NOTCH2: variants seen among roughly 807,000 people sequenced by gnomAD.
NOTCH2 encodes notch receptor 2, also known as neurogenic locus notch homolog protein 2.
In NOTCH2, 29 loss-of-function variants were observed where a neutral mutation model predicts 235.8. The ratio of observed to expected loss-of-function variants is 0.12; its 90% confidence interval spans 0.09 to 0.17. NOTCH2 has a LOEUF of 0.17. NOTCH2 is among the 10% of genes least tolerant of loss of function. The pLI is 1.00. For synonymous variants in NOTCH2, 1,086 were observed against 1,141.5 expected, an observed-to-expected ratio of 0.95 and a Z score of 0.98; for missense variants, 2,285 against 3,150.2, an observed-to-expected ratio of 0.73 and a Z score of 6.57.
intron 21 of NOTCH2, among the ~76,000 whole-genome samples, chr1:119,936,300 G>T (rs781928903): frequency 6.6e-6 from 1 of 152,190 alleles, no homozygotes; most frequent in Admixed American, 6.5e-5. Context: ...CAGAGAAGGA[G>T]TCTAGGTGAT....
chr1:119,997,973 C>CAAA (rs4020948), intron 3 of NOTCH2, among the ~76,000 whole-genome samples: 57 of 117,458 alleles, frequency 4.9e-4, no homozygotes, highest in African/African-American at 1.3e-3. Flanking sequence ...GACTCTATTT[C>CAAA]AAAAAAAAAA....
At chr1:119,985,754 A>G (rs1163224084) in intron 5 of NOTCH2, among the ~76,000 whole-genome samples, 1 of 152,192 alleles carries the variant, frequency 6.6e-6, no homozygotes, top group Non-Finnish European at 1.5e-5. Context: ...AAGTTGAAAA[A>G]ATAGCCTCTG....
intron 24 of NOTCH2, 147 bp from the exon 25 acceptor site, chr1:119,925,957 T>C (rs1337336821): frequency 4.2e-6 from 4 of 952,924 alleles, no homozygotes; most frequent in East Asian, 5.2e-5. Context: ...GGTTTCCTTT[T>C]GGTATCTCCC....
At position 119,925,665 on chromosome 1, in the gene NOTCH2, T is replaced by C. The variant is rs1189432071; in HGVS notation, c.4151A>G (p.Gln1384Arg). The C allele has an allele frequency of 6.2e-7, 1 of 1,612,518 alleles. No individual in the cohort carries two copies. The change falls in exon 25 of 34, where the codon CAG becomes CGG. Residue 1384 changes from glutamine (Q) to arginine (R), a missense_variant. Around this residue, in one of 6 missense-constraint regions of NOTCH2, gnomAD observed 1,173 missense variants for 1,515.3 expected, o/e 0.77. Coordinates refer to ENST00000256646, the MANE Select transcript of NOTCH2 (RefSeq NM_024408.4). ...CTGAGGGTGGCAGCTGCCCCCGTGC[T>C]GGCAGGGGCTACTGGCACAGCCTGA... ...CESGCASSPC[Q>R]HGGSCHPQRQ...
intron 21 of NOTCH2, among the ~76,000 whole-genome samples, chr1:119,936,222 G>A (rs1366393016): frequency 1.3e-5 from 2 of 152,174 alleles, no homozygotes; most frequent in African/African-American, 4.8e-5. Flanking sequence ...GTCCCAAATA[G>A]CATGAGACCT....
intron 1 of NOTCH2, among the ~76,000 whole-genome samples, chr1:120,031,244 C>CAT (rs1654079123): frequency 4.1e-5 from 5 of 121,960 alleles, no homozygotes; most frequent in African/African-American, 1.6e-4. Context: ...TGCATAAAAG[C>CAT]CCAGTATTGT....
intron 1 of NOTCH2, among the ~76,000 whole-genome samples, chr1:120,042,619 G>A (rs1553213034): frequency 7.3e-6 from 1 of 137,476 alleles, no homozygotes. Context: ...GTGGTTATTA[G>A]TGTAGTGTTG....
chr1:119,935,611 T>C lies in NOTCH2; in HGVS notation c.3523-7A>G. On this transcript the variant is annotated splice_region_variant and splice_polypyrimidine_tract_variant and intron_variant, in intron 21 of 33. Transcript: ENST00000256646. ...CCTGATAGCCTGGGACACACTGCCA[T>C]GAGGAAACAAAAAGGACAAGAAATA... 1 of 1,614,000 alleles carries C rather than the reference T, an allele frequency of 6.2e-7. No homozygotes were observed.
chr1:120,050,211 CTG>C (rs1376214219), intron 1 of NOTCH2, among the ~76,000 whole-genome samples: 4 of 92,330 alleles, frequency 4.3e-5, no homozygotes, highest in African/African-American at 1.1e-4. Context: ...AAAAAACACA[CTG>C]TTTTTTATCA....
At chr1:119,943,007 G>C (rs1388376950) in intron 17 of NOTCH2, among the ~76,000 whole-genome samples, 1 of 151,892 alleles carries the variant, frequency 6.6e-6, no homozygotes, top group Non-Finnish European at 1.5e-5. Flanking sequence ...CGAGTAGCTG[G>C]AATTACAGGT....
At chr1:120,062,810 G>A (rs1553216468) in intron 1 of NOTCH2, among the ~76,000 whole-genome samples, 1 of 150,664 alleles carries the variant, frequency 6.6e-6, no homozygotes, top group East Asian at 1.9e-4. Flanking sequence ...AAGGGCTAGT[G>A]ATCCTACCAG....
rs1416990649 is a variant in NOTCH2 at position 119,935,165 on chromosome 1, CA to C, written c.3655+306del. 38 of 1,235,298 alleles carry C rather than the reference CA, an allele frequency of 3.1e-5. No individual in the cohort carries two copies. The East Asian group carries it at 1.2e-3, about 38-fold the overall frequency. 76.5% of individuals were successfully genotyped at this position (1,235,298 alleles called of 1,614,324 possible). The stretch of plus-strand genomic sequence containing the variant: ...CATTAGTTGCTTTTCTGTGAAGCAA[CA>C]AGAAATCTTACTGACCAGGCTAATT... On this transcript the variant is annotated intron_variant, in intron 22 of 33. Transcript: ENST00000256646.
chr1:119,994,557 CACA>C, intron 4 of NOTCH2: 1 of 144,404 alleles, frequency 6.9e-6, no homozygotes, highest in South Asian at 2.3e-4. Flanking sequence ...CACACACACA[CACA>C]CACACACACA....
intron 4 of NOTCH2, among the ~76,000 whole-genome samples, chr1:119,989,010 T>C (rs1487054082): frequency 2.0e-5 from 3 of 152,226 alleles, no homozygotes; most frequent in Non-Finnish European, 4.4e-5. Context: ...TGATTGACTA[T>C]TGTTGAGGTA....
intron 1 of NOTCH2, among the ~76,000 whole-genome samples, chr1:120,047,946 T>TC (rs2101391342): frequency 6.8e-6 from 1 of 147,156 alleles, no homozygotes; most frequent in East Asian, 2.1e-4. Flanking sequence ...TGCATTTTTT[T>TC]CCGTAGAGAC....
At chr1:120,012,043 G>C (rs1440657827) in intron 2 of NOTCH2, among the ~76,000 whole-genome samples, 7 of 141,428 alleles carry the variant, frequency 4.9e-5, no homozygotes, top group Non-Finnish European at 1.1e-4. Context: ...AAAATTCACA[G>C]CTAGTAGATG....
chr1:119,937,609 T>C (rs187798820), intron 20 of NOTCH2, 143 bp from the exon 21 acceptor site: 17 of 846,218 alleles, frequency 2.0e-5, no homozygotes, highest in Admixed American at 1.0e-4. Flanking sequence ...CAGTACCAGA[T>C]GCATATTAAA....
intron 17 of NOTCH2, among the ~76,000 whole-genome samples, chr1:119,945,222 G>T (rs1403238978): frequency 6.6e-6 from 1 of 152,064 alleles, no homozygotes; most frequent in East Asian, 1.9e-4. Flanking sequence ...ATATGGTAGT[G>T]AATATAGATA....
At chr1:120,014,523 A>C (rs1237132404) in intron 2 of NOTCH2, among the ~76,000 whole-genome samples, 8 of 141,090 alleles carry the variant, frequency 5.7e-5, no homozygotes, top group Non-Finnish European at 1.2e-4. Flanking sequence ...ACAGAGAAAA[A>C]CAAGGGATTC....
Sources: allele counts gnomAD v4.1 joint callset (sites outside exome capture counted in the v4.1 genomes callset), GRCh38; gene constraint gnomAD v4.1.1; regional missense constraint gnomAD v4.1.1; transcripts MANE v1.5; gene names NCBI Gene and HGNC (gene_info 2026-07-23, HGNC 2026-07-21).